ZNF573: variants seen among roughly 807,000 people sequenced by gnomAD.
ZNF573 encodes the protein zinc finger protein 573.
In ZNF573, 41 loss-of-function variants were observed where a neutral mutation model predicts 57.4. The ratio of observed to expected loss-of-function variants is 0.71; its 90% CI spans 0.56 to 0.93. The LOEUF (loss-of-function observed/expected upper bound fraction) is 0.93. Among genes scored for constraint, ZNF573 ranks in the 40% least tolerant of loss-of-function variants. The pLI, the probability that ZNF573 is intolerant of heterozygous loss-of-function variation, is 0.00. For missense variants in ZNF573, 730 were observed against 794.8 expected, an observed-to-expected ratio of 0.92 and a Z score of 0.98; for synonymous variants, 249 against 261.0, an observed-to-expected ratio of 0.95 and a Z score of 0.44.
chr19:37,755,858 A>C (rs1183204087), intron 4 of ZNF573, among the ~76,000 whole-genome samples: 1 of 151,436 alleles, frequency 6.6e-6, no homozygotes, highest in East Asian at 1.9e-4. Flanking sequence ...AAGTTAAATG[A>C]GGCAATGCAG....
chr19:37,749,717 C>T (rs2045415555), intron 4 of ZNF573, among the ~76,000 whole-genome samples: 1 of 152,122 alleles, frequency 6.6e-6, no homozygotes, highest in Admixed American at 6.6e-5. Context: ...GCAATTCTCT[C>T]AACACTGATG....
chr19:37,761,762 G>A (rs994343186), intron 4 of ZNF573, among the ~76,000 whole-genome samples: 1 of 152,154 alleles, frequency 6.6e-6, no homozygotes, highest in Non-Finnish European at 1.5e-5. Context: ...CTACATAGCT[G>A]TCCATACTTT....
chr19:37,738,698 T>G lies in ZNF573; in HGVS notation c.1792A>C (p.Thr598Pro). 1 of 1,611,638 alleles carries G rather than the reference T, an allele frequency of 6.2e-7. No individual in the cohort carries two copies. ...GKAFKMYGYLTQHQKIHTGGK... is the reference protein window; with the variant it reads ...GKAFKMYGYLPQHQKIHTGGK... Reference sequence around the variant, plus strand: ...CCAGTATGAATTTTCTGATGTTGGGTAAGGTAGCCATACATTTTAAAGGCC... The same window carrying G: ...CCAGTATGAATTTTCTGATGTTGGGGAAGGTAGCCATACATTTTAAAGGCC... The change falls in exon 5 of 5, where the codon ACC becomes CCC. Residue 598 changes from threonine (T) to proline (P), a missense_variant. Thr to Pro is a conservative substitution (Grantham distance 38). Transcript: ENST00000536220.
intron 4 of ZNF573, among the ~76,000 whole-genome samples, chr19:37,744,504 G>A (rs1238138707): frequency 2.6e-5 from 4 of 152,064 alleles, no homozygotes; most frequent in Non-Finnish European, 5.9e-5. Context: ...TTGGGAAGCC[G>A]AAGCAGGAGG....
At chr19:37,747,568 A>T (rs762103965) in intron 4 of ZNF573, among the ~76,000 whole-genome samples, 5 of 152,200 alleles carry the variant, frequency 3.3e-5, no homozygotes, top group Admixed American at 2.0e-4. Flanking sequence ...TAGAGAATGG[A>T]AAAGGAAAAA....
intron 4 of ZNF573, among the ~76,000 whole-genome samples, chr19:37,754,343 A>G (rs1330406958): frequency 6.6e-6 from 1 of 152,004 alleles, no homozygotes; most frequent in Admixed American, 6.6e-5. Flanking sequence ...AAGATGGTAA[A>G]ACTCTGTCTC....
In ZNF573 at chr19:37,738,913, T is replaced by G; in HGVS notation, c.1577A>C (p.Tyr526Ser). 1 of 1,611,150 alleles carries G rather than the reference T, an allele frequency of 6.2e-7. No individual in the cohort carries two copies. Reference protein sequence around the residue: ...HQKIHTGMKPYECKVCRKTFT... With the variant: ...HQKIHTGMKPSECKVCRKTFT... ...GGTTTTTCTACATACCTTACATTCA[T>G]AGGGTTTCATACCAGTATGAATTTT... Residue 526 changes from tyrosine (Y) to serine (S), a missense_variant, in exon 5 of 5, where the codon TAT becomes TCT. Tyr to Ser is a moderately radical substitution (Grantham distance 144). Transcript: ENST00000536220.
chr19:37,777,821 G>A (rs566802545), intron 1 of ZNF573, among the ~76,000 whole-genome samples: 3 of 151,222 alleles, frequency 2.0e-5, no homozygotes, highest in South Asian at 2.1e-4. Context: ...AGATCACGAG[G>A]TCAGGAGACT....
At chr19:37,754,691 T>C (rs543865126) in intron 4 of ZNF573, among the ~76,000 whole-genome samples, 1 of 148,030 alleles carries the variant, frequency 6.8e-6, no homozygotes, top group African/African-American at 2.5e-5. Flanking sequence ...TAAAATAGAA[T>C]GATGAGAAAG....
intron 4 of ZNF573, among the ~76,000 whole-genome samples, chr19:37,742,884 A>T (rs2045339849): frequency 6.6e-6 from 1 of 152,248 alleles, no homozygotes; most frequent in Non-Finnish European, 1.5e-5. Flanking sequence ...ATCAGAGTGA[A>T]CAGGCAACCT....
At chr19:37,754,929 A>G (rs946412725) in intron 4 of ZNF573, among the ~76,000 whole-genome samples, 1 of 152,200 alleles carries the variant, frequency 6.6e-6, no homozygotes, top group Non-Finnish European at 1.5e-5. Flanking sequence ...GTAACTAATT[A>G]GAGGTAAAGA....
intron 2 of ZNF573, among the ~76,000 whole-genome samples, chr19:37,773,186 C>A (rs988902814): frequency 2.0e-5 from 3 of 152,160 alleles, no homozygotes; most frequent in Non-Finnish European, 4.4e-5. Flanking sequence ...CATGGTATAT[C>A]TCCAACAATT....
chr19:37,739,070 C>G lies in ZNF573; in HGVS notation c.1420G>C (p.Glu474Gln). The change falls in exon 5 of 5, where the codon GAA (glutamate) becomes CAA (glutamine). Residue 474 changes from glutamate to glutamine, a missense_variant. Transcript: ENST00000536220. The stretch of plus-strand genomic sequence containing the variant: ...CCAGTACTATAGGCCTTCCCACATT[C>G]CTGACATTCAAAAAGTTTCTTACCA... ...HTGKKLFECQ[E>Q]CGKAYSTGSN... 1 of 1,612,708 alleles carries G rather than the reference C, an allele frequency of 6.2e-7. No individual in the cohort carries two copies. Among genetic ancestry groups the G allele is most frequent in the Non-Finnish European group, 8.5e-7 (1 of 1,179,642 alleles).
At chr19:37,761,434 A>C (rs1207802828) in intron 4 of ZNF573, among the ~76,000 whole-genome samples, 1 of 152,144 alleles carries the variant, frequency 6.6e-6, no homozygotes, top group Non-Finnish European at 1.5e-5. Context: ...TAGGCTAACC[A>C]TAAAGACTAG....
At chr19:37,743,336 A>T (rs933925372) in intron 4 of ZNF573, among the ~76,000 whole-genome samples, 2 of 140,418 alleles carry the variant, frequency 1.4e-5, no homozygotes, top group African/African-American at 5.1e-5. Context: ...AAAAAAAAAA[A>T]AGAAGAAGAA....
At position 37,738,771 on chromosome 19, in the gene ZNF573, C is replaced by G. The variant is rs1339765518; in HGVS notation, c.1719G>C (p.Gln573His). The G allele has an allele frequency of 2.4e-5, 38 of 1,614,028 alleles. No individual in the cohort carries two copies. Among genetic ancestry groups the G allele is most frequent in the Middle Eastern group, 1.7e-4 (1 of 6,046 alleles). Residue 573 changes from glutamine to histidine, a missense_variant, in exon 5 of 5, where the codon CAG (glutamine) becomes CAC (histidine). Gln to His is a conservative substitution (Grantham distance 24). Transcript: ENST00000536220. ...FRRSSHLTAH[Q>H]SIHADKKPYE... ...AGGGTTTTTTATCAGCATGAATGCT[C>G]TGATGTGCAGTAAGGTGTGAACTAC...
intron 4 of ZNF573, 81 bp downstream of exon 4, chr19:37,769,924 T>C (rs1190179082): frequency 3.0e-5 from 39 of 1,280,480 alleles, no homozygotes; most frequent in Non-Finnish European, 4.2e-5. Flanking sequence ...GAGGAAGGTT[T>C]CACAAACAAC....
intron 4 of ZNF573, among the ~76,000 whole-genome samples, chr19:37,759,801 C>G (rs1052124045): frequency 5.3e-5 from 8 of 151,750 alleles, no homozygotes; most frequent in Admixed American, 3.3e-4. Context: ...GTAGAACTTA[C>G]GTTGTTGGTT....
At chr19:37,746,682 C>T (rs571166757) in intron 4 of ZNF573, among the ~76,000 whole-genome samples, 1 of 151,956 alleles carries the variant, frequency 6.6e-6, no homozygotes, top group Non-Finnish European at 1.5e-5. Context: ...CGAGTTCAAG[C>T]GATTATCCTG....
Sources: allele counts gnomAD v4.1 joint callset (sites outside exome capture counted in the v4.1 genomes callset), GRCh38; gene constraint gnomAD v4.1.1; transcripts MANE v1.5; gene names NCBI Gene and HGNC (gene_info 2026-07-23, HGNC 2026-07-21).